Variants in KIAA1328 observed in about 807,000 individuals in gnomAD.
The protein encoded by KIAA1328 is KIAA1328, also known as protein hinderin.
A neutral mutation model predicts 68.1 loss-of-function variants in KIAA1328; 52 were observed. The observed-to-expected ratio is 0.76, with a 90% CI of 0.61 to 0.96. The LOEUF (loss-of-function observed/expected upper bound fraction) is 0.96, where lower values mean the gene tolerates loss of function less well. Ranked by LOEUF, KIAA1328 falls within the 40% of genes least tolerant of loss-of-function variation. The pLI is 0.00. For synonymous variants in KIAA1328, 232 were observed against 239.4 expected, an observed-to-expected ratio of 0.97 and a Z score of 0.28; for missense variants, 641 against 677.6, an observed-to-expected ratio of 0.95 and a Z score of 0.60.
At chr18:37,201,031 A>T (rs1450938603) in intron 9 of KIAA1328, among the ~76,000 whole-genome samples, 2 of 152,170 alleles carry the variant, frequency 1.3e-5, no homozygotes, top group African/African-American at 2.4e-5. Context: ...GGAAGGGGAG[A>T]TGTCTCAGTG....
At chr18:37,114,733 G>T (rs923090777) in intron 7 of KIAA1328, among the ~76,000 whole-genome samples, 1 of 151,902 alleles carries the variant, frequency 6.6e-6, no homozygotes, top group Non-Finnish European at 1.5e-5. Context: ...TGGTTTTTTT[G>T]AAAAGATCAA....
intron 7 of KIAA1328, among the ~76,000 whole-genome samples, chr18:37,111,069 G>A (rs546925896): frequency 2.0e-5 from 3 of 152,202 alleles, no homozygotes; most frequent in South Asian, 2.1e-4. Context: ...TCTTTGTTAC[G>A]TGGTATGGTG....
chr18:36,974,788 C>G (rs925656410), intron 6 of KIAA1328, among the ~76,000 whole-genome samples: 1 of 152,208 alleles, frequency 6.6e-6, no homozygotes, highest in Non-Finnish European at 1.5e-5. Flanking sequence ...TTCCCTTTCT[C>G]TGCATCACAG....
intron 3 of KIAA1328, among the ~76,000 whole-genome samples, chr18:36,841,227 C>T (rs926522288): frequency 6.6e-6 from 1 of 151,910 alleles, no homozygotes; most frequent in African/African-American, 2.4e-5. Context: ...TACTCTGCAG[C>T]AAGTTCCCTC....
At chr18:37,036,793 G>A (rs534259799) in intron 6 of KIAA1328, among the ~76,000 whole-genome samples, 106 of 152,314 alleles carry the variant, frequency 7.0e-4, no homozygotes, top group Non-Finnish European at 8.8e-5. Flanking sequence ...ACAGTTTTCT[G>A]TGAGCAGGGC....
At chr18:36,898,824 A>G (rs915961478) in intron 5 of KIAA1328, among the ~76,000 whole-genome samples, 10 of 152,010 alleles carry the variant, frequency 6.6e-5, no homozygotes, top group African/African-American at 2.4e-4. Context: ...TAAAAACACA[A>G]TTAAGTTTTG....
At chr18:36,967,405 C>G (rs2051986648) in intron 6 of KIAA1328, among the ~76,000 whole-genome samples, 1 of 152,344 alleles carries the variant, frequency 6.6e-6, no homozygotes, top group East Asian at 1.9e-4. Flanking sequence ...TAGATCACAG[C>G]TCAGCTGACA....
intron 7 of KIAA1328, among the ~76,000 whole-genome samples, chr18:37,082,484 A>G (rs2151803547): frequency 6.6e-6 from 1 of 152,122 alleles, no homozygotes; most frequent in Middle Eastern, 3.4e-3. Flanking sequence ...AGGGAATTTC[A>G]CTTCAACTAA....
intron 9 of KIAA1328, among the ~76,000 whole-genome samples, chr18:37,192,647 T>C (rs2059928990): frequency 6.6e-6 from 1 of 152,220 alleles, no homozygotes; most frequent in Non-Finnish European, 1.5e-5. Flanking sequence ...TGTCTCTCAG[T>C]ACAATCAAGG....
chr18:37,196,859 CT>C (rs2060012843), intron 9 of KIAA1328, among the ~76,000 whole-genome samples: 1 of 151,860 alleles, frequency 6.6e-6, no homozygotes, highest in South Asian at 2.1e-4. Flanking sequence ...GATATTAGTT[CT>C]TCTTTAAATG....
chr18:37,101,535 A>G (rs1320821992), intron 7 of KIAA1328, among the ~76,000 whole-genome samples: 3 of 152,200 alleles, frequency 2.0e-5, no homozygotes, highest in Non-Finnish European at 2.9e-5. Context: ...CCAAATCTAC[A>G]TCTGATTGGT....
At chr18:36,951,094 CTTG>C (rs777122800) in intron 5 of KIAA1328, among the ~76,000 whole-genome samples, 17 of 152,166 alleles carry the variant, frequency 1.1e-4, no homozygotes, top group Non-Finnish European at 2.1e-4. Flanking sequence ...CTGTCCTTTA[CTTG>C]TTGTTACATT....
intron 7 of KIAA1328, among the ~76,000 whole-genome samples, chr18:37,154,094 C>G (rs550094749): frequency 6.6e-6 from 1 of 152,186 alleles, no homozygotes; most frequent in African/African-American, 2.4e-5. Flanking sequence ...TGTTTTCTCC[C>G]ACTCTTCACA....
At chr18:36,886,651 C>T (rs1295950043) in intron 5 of KIAA1328, among the ~76,000 whole-genome samples, 1 of 152,164 alleles carries the variant, frequency 6.6e-6, no homozygotes, top group South Asian at 2.1e-4. Flanking sequence ...GTATTGTATG[C>T]AGCAATATGG....
At chr18:37,082,248 T>G (rs1416195074) in intron 7 of KIAA1328, among the ~76,000 whole-genome samples, 1 of 144,242 alleles carries the variant, frequency 6.9e-6, no homozygotes, top group Non-Finnish European at 1.5e-5. Flanking sequence ...CTTGGCTCAC[T>G]GCAACCTCTG....
intron 6 of KIAA1328, among the ~76,000 whole-genome samples, chr18:36,971,899 T>A (rs1568234767): frequency 6.6e-6 from 1 of 152,078 alleles, no homozygotes; most frequent in East Asian, 1.9e-4. Flanking sequence ...AAAAGATAAC[T>A]ATGGGTACTG....
At chr18:37,063,363 C>T (rs1171356235) in intron 6 of KIAA1328, among the ~76,000 whole-genome samples, 2 of 152,164 alleles carry the variant, frequency 1.3e-5, no homozygotes, top group Non-Finnish European at 2.9e-5. Context: ...ATAAGACCTT[C>T]TTTTAAAGGG....
intron 6 of KIAA1328, among the ~76,000 whole-genome samples, chr18:36,960,300 C>T (rs959578668): frequency 1.3e-5 from 2 of 152,170 alleles, no homozygotes; most frequent in Admixed American, 6.5e-5. Flanking sequence ...AAACAGTGGC[C>T]GGGAAGCTCG....
intron 4 of KIAA1328, among the ~76,000 whole-genome samples, chr18:36,873,564 G>A (rs1302414876): frequency 2.6e-5 from 4 of 152,116 alleles, no homozygotes; most frequent in Admixed American, 2.6e-4. Flanking sequence ...AGAAGGACAT[G>A]AATACCAGGA....
Sources: gnomAD v4.1 joint callset for allele counts (sites outside exome capture counted in the v4.1 genomes callset) on GRCh38, gnomAD v4.1.1 for gene constraint, MANE v1.5 for transcripts, NCBI Gene and HGNC (gene_info 2026-07-23, HGNC 2026-07-21) for gene names.